Variants in ARHGAP17 observed in about 807,000 individuals in gnomAD.
ARHGAP17 encodes Rho GTPase activating protein 17.
Under a neutral mutation model 99.5 loss-of-function variants are expected in ARHGAP17, and 57 were observed. The ratio of observed to expected loss-of-function variants is 0.57; its 90% confidence interval spans 0.46 to 0.71. The LOEUF (loss-of-function observed/expected upper bound fraction) is 0.71. Ranked by LOEUF, ARHGAP17 falls within the 30% of genes least tolerant of loss-of-function variation. The probability of loss-of-function intolerance (pLI) is 0.00; values close to 1 mark genes in which losing one functional copy is unlikely to be tolerated. For missense variants in ARHGAP17, 1,000 were observed against 1,122.4 expected, an observed-to-expected ratio of 0.89 and a Z score of 1.56; for synonymous variants, 417 against 429.6, an observed-to-expected ratio of 0.97 and a Z score of 0.36.
In ARHGAP17 at chr16:24,952,937, C is replaced by T. The variant is rs539062400; in HGVS notation, c.958G>A (p.Val320Ile). Residue 320 changes from valine (V) to isoleucine (I), a missense_variant, in exon 11 of 20, where the codon GTA becomes ATA. Transcript: ENST00000289968. ...LDEFYSDPHA[V>I]AGALKSYLRE... ...GACACTCTTTGGCGCTCACCTGCTACAGCATGGGGGTCTGAATAGAACTCA... is the reference window on the plus strand; with the variant it reads ...GACACTCTTTGGCGCTCACCTGCTATAGCATGGGGGTCTGAATAGAACTCA... 9.9e-5 allele frequency: 160 copies of T among 1,613,794 alleles called. No individual in the cohort carries two copies. The highest frequency in any genetic ancestry group is 1.3e-4 in the Non-Finnish European group (159 of 1,179,830).
At chr16:24,943,071 T>C (rs2051363023) in intron 15 of ARHGAP17, among the ~76,000 whole-genome samples, 1 of 152,020 alleles carries the variant, frequency 6.6e-6, no homozygotes, top group South Asian at 2.1e-4. Context: ...CTGGGGGAAG[T>C]AGGTGTGGGG....
At chr16:24,925,358 G>A (rs975030776) in intron 19 of ARHGAP17, among the ~76,000 whole-genome samples, 2 of 152,116 alleles carry the variant, frequency 1.3e-5, no homozygotes, top group Non-Finnish European at 2.9e-5. Context: ...CAGCCTGGGT[G>A]ACAGAGCAAG....
At chr16:24,954,482 A>C (rs1482028500) in intron 10 of ARHGAP17, 121 bp downstream of exon 10, 8 of 1,393,604 alleles carry the variant, frequency 5.7e-6, no homozygotes, top group Non-Finnish European at 9.6e-7. Flanking sequence ...TGTTCTACAC[A>C]AAACGGACAA....
Position 24,954,759 on chromosome 16 carries a change from C to T in ARHGAP17, c.725-29G>A, listed in dbSNP as rs1470914105. On this transcript the variant is annotated intron_variant, in intron 9 of 19. Transcript: ENST00000289968. ...GAGCAGCAAATTGTTCAGTTAGACA[C>T]CCAACAAACTCACGGCATTACCAAG... 13 of 1,610,592 alleles carry T rather than the reference C, an allele frequency of 8.1e-6. No individual in the cohort carries two copies. The Admixed American group carries it at 2.2e-4, about 27-fold the overall frequency.
intron 19 of ARHGAP17, 39 bp from the exon 20 acceptor site, chr16:24,920,299 G>C: frequency 1.2e-6 from 2 of 1,610,964 alleles, no homozygotes; most frequent in Non-Finnish European, 1.7e-6. Context: ...TCAATGAGGG[G>C]TAACCCCCGA....
intron 1 of ARHGAP17, among the ~76,000 whole-genome samples, chr16:25,010,082 C>CT (rs1194435119): frequency 0.088 from 12,739 of 145,308 alleles, 590 homozygotes; most frequent in Middle Eastern, 0.15. Flanking sequence ...TCTTTTTTTT[C>CT]TTTTTTTTTT....
rs187026881 is a variant in ARHGAP17 at position 24,992,508 on chromosome 16, G to C, written c.54-13503C>G. Among the ~76,000 whole-genome samples, 941 of 152,066 alleles carry C rather than the reference G, an allele frequency of 6.2e-3. 8 individuals carry two copies. Among genetic ancestry groups the C allele is most frequent in the Non-Finnish European group, 0.011 (734 of 67,966 alleles). The stretch of plus-strand genomic sequence containing the variant: ...ACGCCACCATGACCGGCTAATTTTT[G>C]TATTTTTAGTAGAGATGGGGTTTCA... On this transcript the variant is annotated intron_variant, in intron 1 of 19. Transcript: ENST00000289968.
intron 1 of ARHGAP17, among the ~76,000 whole-genome samples, chr16:25,000,566 G>A (rs1422655115): frequency 2.6e-5 from 4 of 152,052 alleles, no homozygotes; most frequent in African/African-American, 9.7e-5. Flanking sequence ...ATTTTTTCTG[G>A]CAACGGGGGG....
chr16:24,991,959 T>C (rs953995625), intron 1 of ARHGAP17, among the ~76,000 whole-genome samples: 4 of 152,144 alleles, frequency 2.6e-5, no homozygotes, highest in Non-Finnish European at 4.4e-5. Flanking sequence ...GAAAACACTT[T>C]GGGGGCACAG....
At chr16:25,000,208 C>T (rs765706562) in intron 1 of ARHGAP17, among the ~76,000 whole-genome samples, 2 of 152,168 alleles carry the variant, frequency 1.3e-5, no homozygotes, top group Non-Finnish European at 2.9e-5. Flanking sequence ...ATTAACTAAT[C>T]GCCAAGAAAG....
chr16:25,008,735 C>T (rs192823038), intron 1 of ARHGAP17, among the ~76,000 whole-genome samples: 11 of 152,134 alleles, frequency 7.2e-5, no homozygotes, highest in South Asian at 2.1e-4. Context: ...CGTAACATGC[C>T]GCTTACACAT....
At chr16:24,985,661 C>T (rs1216029789) in intron 1 of ARHGAP17, among the ~76,000 whole-genome samples, 1 of 152,178 alleles carries the variant, frequency 6.6e-6, no homozygotes, top group Non-Finnish European at 1.5e-5. Flanking sequence ...AAACTTAGTC[C>T]CCCTCTGCCA....
At chr16:24,998,218 C>T (rs1407364840) in intron 1 of ARHGAP17, among the ~76,000 whole-genome samples, 3 of 151,858 alleles carry the variant, frequency 2.0e-5, no homozygotes, top group Non-Finnish European at 2.9e-5. Flanking sequence ...GAAGCCAAGA[C>T]GCAGAGCGTG....
chr16:24,993,602 AAAAGT>A (rs1165246829), intron 1 of ARHGAP17, among the ~76,000 whole-genome samples: 1 of 152,048 alleles, frequency 6.6e-6, no homozygotes, highest in African/African-American at 2.4e-5. Flanking sequence ...AAAAAAAAAA[AAAAGT>A]AACGGGCAAA....
chr16:24,971,439 C>T (rs1463527380), intron 3 of ARHGAP17, among the ~76,000 whole-genome samples: 5 of 151,504 alleles, frequency 3.3e-5, no homozygotes, highest in Admixed American at 6.6e-5. Flanking sequence ...AAGTGATTCT[C>T]GTGCCTCAGC....
intron 1 of ARHGAP17, among the ~76,000 whole-genome samples, chr16:24,983,762 T>C (rs2052772938): frequency 6.6e-6 from 1 of 152,210 alleles, no homozygotes; most frequent in South Asian, 2.1e-4. Context: ...AGGAAGGAAC[T>C]TCCCACTCGC....
At chr16:24,984,085 A>G (rs2141389462) in intron 1 of ARHGAP17, among the ~76,000 whole-genome samples, 1 of 152,340 alleles carries the variant, frequency 6.6e-6, no homozygotes, top group South Asian at 2.1e-4. Flanking sequence ...GAAGATGCTC[A>G]GACCAGGTGA....
intron 9 of ARHGAP17, chr16:24,956,212 A>G (rs2141252156): frequency 6.6e-6 from 1 of 152,350 alleles, no homozygotes; most frequent in Non-Finnish European, 1.5e-5. Flanking sequence ...CTGTAATGCT[A>G]AGGGGCGGGC....
intron 19 of ARHGAP17, among the ~76,000 whole-genome samples, chr16:24,921,720 C>T (rs1326635761): frequency 2.0e-5 from 3 of 152,180 alleles, no homozygotes; most frequent in Non-Finnish European, 2.9e-5. Context: ...CACCACAACT[C>T]AGAGAAATTT....
Sources: allele counts gnomAD v4.1 joint callset (sites outside exome capture counted in the v4.1 genomes callset), GRCh38; gene constraint gnomAD v4.1.1; transcripts MANE v1.5; gene names NCBI Gene and HGNC (gene_info 2026-07-23, HGNC 2026-07-21).